Variants in FANCA observed in about 807,000 individuals in gnomAD.
FANCA encodes the protein Fanconi anemia group A protein.
Under a neutral mutation model 194.3 loss-of-function variants are expected in FANCA, and 236 were observed. The ratio of observed to expected loss-of-function variants is 1.21; its 90% CI spans 1.09 to 1.35. The LOEUF (loss-of-function observed/expected upper bound fraction) is 1.35, where lower values mean the gene tolerates loss of function less well. Ranked by LOEUF, FANCA falls within the 40% of genes most tolerant of loss-of-function variation. The pLI is 0.00. For missense variants in FANCA, 2,628 were observed against 1,813.9 expected (o/e 1.45, Z -8.15); for synonymous variants, 1,014 against 715.8 (o/e 1.42, Z -6.65).
At chr16:89,774,422 T>G (rs1188928245) in intron 21 of FANCA, among the ~76,000 whole-genome samples, 1 of 151,988 alleles carries the variant, frequency 6.6e-6, no homozygotes, top group Non-Finnish European at 1.5e-5. Flanking sequence ...CCAGCACAAC[T>G]GAGAGGTCAT....
At chr16:89,768,321 G>A (rs1208636254) in intron 26 of FANCA, among the ~76,000 whole-genome samples, 1 of 152,228 alleles carries the variant, frequency 6.6e-6, no homozygotes, top group African/African-American at 2.4e-5. Flanking sequence ...AGGCAATGGA[G>A]ATGTCAAAGC....
At position 89,742,925 on chromosome 16, in the gene FANCA, CAG is replaced by C. The variant is rs1304878514; in HGVS notation, c.3638_3639del (p.Pro1213ArgfsTer64). 6 of 1,614,034 alleles carry C rather than the reference CAG, an allele frequency of 3.7e-6. No individual in the cohort carries two copies. Among genetic ancestry groups the C allele is most frequent in the African/African-American group, 1.3e-5 (1 of 75,022 alleles). ...GGGTTGGGTGCTGGGGAGGCAGCCT[CAG>C]GGGAGAGGAAACTGGGACAGAGAGA... ...GRQFASDFLS[P>X]EAASPAPNPD... is the part of the protein sequence containing the mutation. On this transcript the variant is annotated frameshift_variant, in exon 37 of 43. Coordinates refer to ENST00000389301, the MANE Select transcript of FANCA (RefSeq NM_000135.4). LOFTEE classifies it high-confidence loss of function.
intron 32 of FANCA, 127 bp from the exon 33 acceptor site, chr16:89,748,894 G>A: frequency 2.6e-6 from 2 of 773,740 alleles, no homozygotes; most frequent in Admixed American, 4.0e-5. Flanking sequence ...CCAGAGCCTT[G>A]GCCTGTGTCC....
intron 6 of FANCA, 24 bp downstream of exon 6, chr16:89,808,270 A>C: frequency 6.2e-7 from 1 of 1,610,232 alleles, no homozygotes; most frequent in East Asian, 2.2e-5. Context: ...AAACAGTAAC[A>C]CTGAATCATC....
rs763207362 is a variant in FANCA, at chr16:89,805,267, G to A, written c.709+13C>T. The A allele has an allele frequency of 1.5e-5, 24 of 1,603,936 alleles. No homozygotes were observed. Among genetic ancestry groups the A allele is most frequent in the Non-Finnish European group, 1.6e-5 (19 of 1,171,182 alleles). On this transcript the variant is annotated intron_variant, in intron 7 of 42. Coordinates refer to ENST00000389301, the MANE Select transcript of FANCA (RefSeq NM_000135.4). ...AGTTTTACCCAAGAACCCGCATCTT[G>A]TCATGAACGCACCAGAAAGCATGGC...
chr16:89,799,413 G>A (rs1303560075), intron 9 of FANCA, among the ~76,000 whole-genome samples, 181 bp from the exon 10 acceptor site: 1 of 152,156 alleles, frequency 6.6e-6, no homozygotes, highest in East Asian at 1.9e-4. Context: ...ATGCTTCCCT[G>A]TGACCCACAG....
intron 3 of FANCA, among the ~76,000 whole-genome samples, chr16:89,813,624 G>A (rs904934779): frequency 2.6e-5 from 4 of 152,058 alleles, no homozygotes; most frequent in Non-Finnish European, 4.4e-5. Context: ...AGTAGAGACA[G>A]GGTTTCACCA....
intron 20 of FANCA, chr16:89,778,260 G>C: frequency 4.6e-6 from 1 of 215,310 alleles, no homozygotes; most frequent in South Asian, 4.9e-5. Flanking sequence ...GAGCTCAGGA[G>C]TTTGAGAACC....
At chr16:89,797,203 C>G (rs904570031) in intron 10 of FANCA, among the ~76,000 whole-genome samples, 11 of 151,920 alleles carry the variant, frequency 7.2e-5, no homozygotes, top group Non-Finnish European at 1.5e-4. Context: ...TGGTGGCACA[C>G]ACCTATAGTC....
At chr16:89,754,330 A>C (rs1598085246) in intron 30 of FANCA, among the ~76,000 whole-genome samples, 1 of 152,118 alleles carries the variant, frequency 6.6e-6, no homozygotes, top group Non-Finnish European at 1.5e-5. Flanking sequence ...ATAGGAAAGG[A>C]AAAAGTGAAA....
In FANCA at chr16:89,815,757, C is replaced by T. The variant is rs2041088081; in HGVS notation, c.189+120G>A. 3.6e-6 allele frequency: 3 copies of T among 834,748 alleles called. No homozygotes were observed. The African/African-American group carries it at 5.0e-5, about 14-fold the overall frequency. The allele number at this position is 834,748 out of a possible 1,614,324, so 51.7% of individuals were successfully genotyped here. A position where few individuals can be genotyped will look rare whatever the true frequency, so the allele number is the denominator to read the frequency against. ...TCCCGGGCTCAGGCGACCCTCCCCT[C>T]TGCGGGCCAGGCCACCGCGCCCGCC... On this transcript the variant is annotated intron_variant, in intron 2 of 42. Transcript: ENST00000389301.
At chr16:89,796,783 G>T (rs1485776764) in intron 10 of FANCA, among the ~76,000 whole-genome samples, 3 of 152,204 alleles carry the variant, frequency 2.0e-5, no homozygotes, top group African/African-American at 7.2e-5. Flanking sequence ...AGCACTCTGG[G>T]AGGCTGAGGC....
chr16:89,814,586 A>G lies in FANCA; in HGVS notation c.217T>C (p.Ser73Pro). 6.2e-7 allele frequency: 1 copy of G among 1,613,802 alleles called. No homozygotes were observed. The highest frequency in any genetic ancestry group is 8.5e-7 in the Non-Finnish European group (1 of 1,179,692). The change falls in exon 3 of 43, where the codon TCT (serine) becomes CCT (proline). Residue 73 changes from serine (S) to proline (P), a missense_variant. Transcript: ENST00000389301. ...EVEGPLCKKL[S>P]LSKVIDCDSS... ...TCACAGTCAATCACTTTGCTGAGAG[A>G]CAATTTTTTACACAGTGGACCTTCT...
chr16:89,739,029 G>T, intron 41 of FANCA, 55 bp from the exon 42 acceptor site: 4 of 1,614,118 alleles, frequency 2.5e-6, no homozygotes, highest in Non-Finnish European at 3.4e-6. Flanking sequence ...AACAGGGCTG[G>T]TGTGTCCCCC....
chr16:89,789,859 G>A (rs947605534), intron 14 of FANCA, among the ~76,000 whole-genome samples: 4 of 152,096 alleles, frequency 2.6e-5, no homozygotes, highest in Admixed American at 2.6e-4. Flanking sequence ...CTCCCCACAT[G>A]AACTGGGGGT....
At chr16:89,814,923 AGT>A (rs1409347384) in intron 2 of FANCA, among the ~76,000 whole-genome samples, 1 of 152,184 alleles carries the variant, frequency 6.6e-6, no homozygotes. Context: ...CCCAGGCTAC[AGT>A]GTGAGACTTT....
At chr16:89,749,285 T>G (rs1233142339) in intron 32 of FANCA, among the ~76,000 whole-genome samples, 5 of 152,228 alleles carry the variant, frequency 3.3e-5, no homozygotes, top group Non-Finnish European at 7.3e-5. Flanking sequence ...TGATCTCGGC[T>G]CACTGAAACC....
intron 22 of FANCA, among the ~76,000 whole-genome samples, 155 bp from the exon 23 acceptor site, chr16:89,771,969 G>A (rs937203965): frequency 1.3e-5 from 2 of 152,184 alleles, no homozygotes; most frequent in African/African-American, 4.8e-5. Flanking sequence ...GTGTTTGTTC[G>A]CCCCGCAGGA....
At chr16:89,814,001 T>C (rs1278289571) in intron 3 of FANCA, among the ~76,000 whole-genome samples, 1 of 152,204 alleles carries the variant, frequency 6.6e-6, no homozygotes, top group Non-Finnish European at 1.5e-5. Context: ...TCTGTATCAT[T>C]TGCCAATGAC....
Sources: allele counts gnomAD v4.1 joint callset (sites outside exome capture counted in the v4.1 genomes callset), GRCh38; gene constraint gnomAD v4.1.1; transcripts MANE v1.5; gene names NCBI Gene and HGNC (gene_info 2026-07-23, HGNC 2026-07-21).